Variants in KCNB2 observed in about 807,000 individuals in gnomAD.
KCNB2 encodes the protein potassium voltage-gated channel subfamily B member 2.
Under a neutral mutation model 61.5 loss-of-function variants are expected in KCNB2, and 15 were observed. The observed-to-expected ratio is 0.24, with a 90% CI of 0.16 to 0.38. KCNB2 has a LOEUF of 0.38. KCNB2 is among the 10% of genes least tolerant of loss of function. The pLI is 1.00. For missense variants in KCNB2, 828 were observed against 1,125.2 expected (o/e 0.74, Z 3.78); for synonymous variants, 457 against 446.0 (o/e 1.02, Z -0.31).
chr8:72,606,999 A>G (rs1488833389), intron 2 of KCNB2, among the ~76,000 whole-genome samples: 4 of 152,162 alleles, frequency 2.6e-5, no homozygotes, highest in African/African-American at 4.8e-5. Flanking sequence ...CCAAGAGTGC[A>G]GATTTGGCTA....
intron 2 of KCNB2, among the ~76,000 whole-genome samples, chr8:72,933,508 T>G (rs915291718): frequency 1.3e-5 from 2 of 152,208 alleles, no homozygotes; most frequent in Non-Finnish European, 2.9e-5. Context: ...GTATGGATTG[T>G]CAGTACAAGA....
At chr8:72,644,850 G>T (rs1419546696) in intron 2 of KCNB2, among the ~76,000 whole-genome samples, 2 of 152,136 alleles carry the variant, frequency 1.3e-5, no homozygotes, top group Non-Finnish European at 2.9e-5. Context: ...TAGAGAAACT[G>T]AATGACTTGA....
chr8:72,717,074 G>GA lies in KCNB2; in HGVS notation c.579+148761_579+148762insA, dbSNP rs1427119344. Among the ~76,000 whole-genome samples, 260 of 151,576 alleles carry GA rather than the reference G, an allele frequency of 1.7e-3. 1 individual carries two copies. The highest frequency in any genetic ancestry group is 1.3e-3 in the Non-Finnish European group (88 of 67,874). On this transcript the variant is annotated intron_variant, in intron 2 of 2. Coordinates refer to ENST00000523207, the MANE Select transcript of KCNB2 (RefSeq NM_004770.3). ...AACTCCCATTCACAATTGCTTCAAA[G>GA]GAATAAAATACCTAGGAATCCAACT...
intron 2 of KCNB2, among the ~76,000 whole-genome samples, chr8:72,766,559 G>A (rs984371041): frequency 6.6e-6 from 1 of 152,096 alleles, no homozygotes; most frequent in African/African-American, 2.4e-5. Flanking sequence ...TTTCACCAGG[G>A]AACACTTTTT....
intron 2 of KCNB2, among the ~76,000 whole-genome samples, chr8:72,709,882 C>G (rs1807297096): frequency 1.3e-5 from 2 of 152,274 alleles, no homozygotes. Flanking sequence ...CCCGAATGTA[C>G]AGATGTTTCT....
chr8:72,838,623 A>G (rs1476470738), intron 2 of KCNB2, among the ~76,000 whole-genome samples: 2 of 152,180 alleles, frequency 1.3e-5, no homozygotes, highest in African/African-American at 4.8e-5. Flanking sequence ...TTGGGTATTT[A>G]CCCAGTAATG....
At chr8:72,925,205 T>C (rs575689673) in intron 2 of KCNB2, among the ~76,000 whole-genome samples, 131 of 152,330 alleles carry the variant, frequency 8.6e-4, no homozygotes, top group African/African-American at 3.1e-3. Context: ...TCTCTGTTAA[T>C]GGTGATAGAT....
intron 1 of KCNB2, among the ~76,000 whole-genome samples, chr8:72,550,137 T>C (rs1319317909): frequency 6.6e-6 from 1 of 152,240 alleles, no homozygotes; most frequent in Non-Finnish European, 1.5e-5. Context: ...AAGACAGAGG[T>C]AGTTCATTAT....
intron 2 of KCNB2, among the ~76,000 whole-genome samples, chr8:72,871,494 T>A (rs1429194250): frequency 2.0e-5 from 3 of 152,212 alleles, no homozygotes; most frequent in Admixed American, 2.0e-4. Flanking sequence ...AGCATTTAAG[T>A]GTCTTAGATT....
At chr8:72,906,415 T>G (rs567056304) in intron 2 of KCNB2, among the ~76,000 whole-genome samples, 1 of 152,332 alleles carries the variant, frequency 6.6e-6, no homozygotes, top group East Asian at 1.9e-4. Flanking sequence ...TAGCTCACAT[T>G]AAACAAGAGA....
chr8:72,840,869 T>A (rs571332501), intron 2 of KCNB2, among the ~76,000 whole-genome samples: 1 of 152,334 alleles, frequency 6.6e-6, no homozygotes, highest in African/African-American at 2.4e-5. Context: ...TTCACTCTGA[T>A]GATACATTAT....
intron 2 of KCNB2, among the ~76,000 whole-genome samples, chr8:72,576,736 C>T (rs349335): frequency 0.89 from 136,172 of 152,222 alleles, 61,126 homozygotes; most frequent in African/African-American, 0.96. Context: ...TCCCAGTGTC[C>T]CCTGGACCGT....
chr8:72,794,205 G>T (rs916822516), intron 2 of KCNB2, among the ~76,000 whole-genome samples: 1 of 152,152 alleles, frequency 6.6e-6, no homozygotes, highest in African/African-American at 2.4e-5. Context: ...CATGTTGCAG[G>T]CATAGTTACA....
intron 2 of KCNB2, among the ~76,000 whole-genome samples, chr8:72,894,980 C>A (rs1362298364): frequency 6.6e-6 from 1 of 152,090 alleles, no homozygotes. Flanking sequence ...GGACTGAGAT[C>A]ATAAATATTC....
chr8:72,935,038 G>A (rs927891387), intron 2 of KCNB2, among the ~76,000 whole-genome samples: 13 of 151,898 alleles, frequency 8.6e-5, no homozygotes, highest in African/African-American at 1.9e-4. Flanking sequence ...TAACAGCTGC[G>A]AAGTAGCTAT....
At chr8:72,859,857 T>C (rs1411929399) in intron 2 of KCNB2, among the ~76,000 whole-genome samples, 1 of 151,754 alleles carries the variant, frequency 6.6e-6, no homozygotes, top group East Asian at 1.9e-4. Flanking sequence ...GTAGCTGGGA[T>C]TACAGGCATG....
At chr8:72,841,277 C>A (rs1809878619) in intron 2 of KCNB2, among the ~76,000 whole-genome samples, 1 of 151,642 alleles carries the variant, frequency 6.6e-6, no homozygotes, top group Non-Finnish European at 1.5e-5. Flanking sequence ...TGTTTTGGTA[C>A]CAGTACCATG....
intron 1 of KCNB2, among the ~76,000 whole-genome samples, chr8:72,538,094 T>A (rs543822971): frequency 6.6e-6 from 1 of 152,006 alleles, no homozygotes; most frequent in African/African-American, 2.4e-5. Flanking sequence ...TATTAGCCCC[T>A]GAAAAGCTTC....
At chr8:72,643,939 T>G (rs2128985892) in intron 2 of KCNB2, among the ~76,000 whole-genome samples, 1 of 152,252 alleles carries the variant, frequency 6.6e-6, no homozygotes, top group South Asian at 2.1e-4. Flanking sequence ...CAGTTTGAAA[T>G]TGGTTTAAAT....
Sources: allele counts gnomAD v4.1 joint callset (sites outside exome capture counted in the v4.1 genomes callset), GRCh38; gene constraint gnomAD v4.1.1; transcripts MANE v1.5; gene names NCBI Gene and HGNC (gene_info 2026-07-23, HGNC 2026-07-21).